DCP1B: variants seen among roughly 807,000 people sequenced by gnomAD.
DCP1B encodes mRNA-decapping enzyme 1B.
DCP1B carries 47 observed loss-of-function variants against 60.5 expected under a neutral mutation model. The ratio of observed to expected loss-of-function variants is 0.78; its 90% CI spans 0.61 to 0.99. The LOEUF is 0.99. DCP1B is among the 50% of genes least tolerant of loss of function. The probability of loss-of-function intolerance (pLI) is 0.00; values close to 1 mark genes in which losing one functional copy is unlikely to be tolerated. For synonymous variants in DCP1B, 267 were observed against 280.3 expected (o/e 0.95, Z 0.47); for missense variants, 725 against 756.8 (o/e 0.96, Z 0.49).
chr12:1,981,398 C>T (rs1052422706), intron 3 of DCP1B, among the ~76,000 whole-genome samples: 5 of 152,198 alleles, frequency 3.3e-5, no homozygotes, highest in African/African-American at 1.2e-4. Context: ...TAATTGTGCA[C>T]ATTTAATGCA....
chr12:1,979,864 G>A (rs1050220227), intron 3 of DCP1B, among the ~76,000 whole-genome samples: 3 of 152,050 alleles, frequency 2.0e-5, no homozygotes, highest in Non-Finnish European at 2.9e-5. Flanking sequence ...TGTCCAATAA[G>A]CATATGAAGA....
At chr12:1,992,085 TC>T (rs993005003) in intron 3 of DCP1B, 3 of 363,824 alleles carry the variant, frequency 8.2e-6, no homozygotes, top group Non-Finnish European at 1.7e-5. Context: ...GAGTTGGAAT[TC>T]CAAGTCTTTA....
At chr12:1,958,631 A>C (rs1414950887) in intron 5 of DCP1B, among the ~76,000 whole-genome samples, 2 of 148,658 alleles carry the variant, frequency 1.3e-5, no homozygotes, top group Non-Finnish European at 3.0e-5. Context: ...CTGGAAGGAG[A>C]CAGGGGAAAA....
chr12:1,952,605 T>G lies in DCP1B; in HGVS notation c.1335A>C (p.Gly445=). 6.2e-7 allele frequency: 1 copy of G among 1,614,164 alleles called. No homozygotes were observed. The highest frequency in any genetic ancestry group is 8.5e-7 in the Non-Finnish European group (1 of 1,180,022). Residue 445 remains glycine (G), a synonymous_variant, in exon 7 of 9, where the codon GGA becomes GGC. Coordinates refer to ENST00000280665, the MANE Select transcript of DCP1B (RefSeq NM_152640.5). ...PISGSQTGSS[G]VISPQELLKK... is the part of the protein sequence containing the mutation. ...TCAGTAACTCTTGAGGGGAGATCAC[T>G]CCAGAGCTGCCAGTCTGACTACCAG...
chr12:1,984,167 CT>C (rs1417909747), intron 3 of DCP1B, among the ~76,000 whole-genome samples: 1 of 151,940 alleles, frequency 6.6e-6, no homozygotes, highest in Non-Finnish European at 1.5e-5. Context: ...TTAGGCCATG[CT>C]TTTTTAATCC....
intron 4 of DCP1B, among the ~76,000 whole-genome samples, chr12:1,966,722 A>G (rs1469137953): frequency 6.6e-6 from 1 of 152,216 alleles, no homozygotes; most frequent in East Asian, 1.9e-4. Flanking sequence ...AGTAACATGA[A>G]TGTTCTAGGA....
chr12:1,971,224 A>G lies in DCP1B; in HGVS notation c.320-3314T>C. 2 of 1,251,754 alleles carry G rather than the reference A, an allele frequency of 1.6e-6. No homozygotes were observed. The highest frequency in any genetic ancestry group is 2.1e-6 in the Non-Finnish European group (2 of 955,530). 77.5% of individuals were successfully genotyped at this position (1,251,754 alleles called of 1,614,324 possible). On this transcript the variant is annotated intron_variant, in intron 3 of 8. Coordinates refer to ENST00000280665, the MANE Select transcript of DCP1B (RefSeq NM_152640.5). The surrounding 1 kb of genome is among the most constrained non-coding windows in gnomAD (Gnocchi z 4.2). ...GAGGTAAGAAACCCTAAAGTGAAATAAAGAGTAGGAAGAACATGTTGAAAT... is the reference window on the plus strand; with the variant it reads ...GAGGTAAGAAACCCTAAAGTGAAATGAAGAGTAGGAAGAACATGTTGAAAT...
At chr12:1,981,333 A>G (rs111491399) in intron 3 of DCP1B, among the ~76,000 whole-genome samples, 4,238 of 152,360 alleles carry the variant, frequency 0.028, 95 homozygotes, top group Middle Eastern at 0.054. Context: ...AGTTTCAGCC[A>G]TAGCTTTGAA....
At chr12:1,984,778 TAAAAAAA>T (rs764705302) in intron 3 of DCP1B, among the ~76,000 whole-genome samples, 2 of 81,346 alleles carry the variant, frequency 2.5e-5, no homozygotes, top group Non-Finnish European at 4.7e-5. Context: ...GGTCTTCTGG[TAAAAAAA>T]AAAAAAAAAA....
At chr12:1,982,033 T>G (rs1292275899) in intron 3 of DCP1B, among the ~76,000 whole-genome samples, 3 of 152,158 alleles carry the variant, frequency 2.0e-5, no homozygotes, top group African/African-American at 7.2e-5. Context: ...GTGAAAAGTT[T>G]TACTTGGAAG....
In DCP1B at chr12:1,997,928, C is replaced by T. The variant is rs759852006; in HGVS notation, c.191+7G>A. On this transcript the variant is annotated splice_region_variant and intron_variant, in intron 2 of 8. Coordinates refer to ENST00000280665, the MANE Select transcript of DCP1B (RefSeq NM_152640.5). ...TTAGTTTCTTTATAAAAGTGAAACA[C>T]TCTTACCTTGTATAAACAAATAAGG... The T allele has an allele frequency of 3.1e-6, 5 of 1,603,252 alleles. No homozygotes were observed. In the African/African-American group the frequency reaches 4.0e-5, roughly 13 times the overall value.
intron 2 of DCP1B, among the ~76,000 whole-genome samples, chr12:1,996,384 C>G (rs568354044): frequency 7.5e-4 from 114 of 152,044 alleles, no homozygotes; most frequent in Admixed American, 1.9e-3. Flanking sequence ...ATCTCCCTCA[C>G]TGTCCCTTTA....
At chr12:1,952,266 T>G in intron 7 of DCP1B, 150 bp downstream of exon 7, 15 of 963,532 alleles carry the variant, frequency 1.6e-5, no homozygotes, top group South Asian at 2.5e-5. Flanking sequence ...CTCCGCCTCT[T>G]GAGCTCAAGG....
At chr12:1,972,669 A>G (rs1331048274) in intron 3 of DCP1B, among the ~76,000 whole-genome samples, 1 of 152,182 alleles carries the variant, frequency 6.6e-6, no homozygotes, top group Admixed American at 6.5e-5. Context: ...CAGCCTTTCA[A>G]ATGAAATACA....
chr12:1,990,163 C>G (rs899312157), intron 3 of DCP1B, among the ~76,000 whole-genome samples: 6 of 152,120 alleles, frequency 3.9e-5, no homozygotes, highest in African/African-American at 1.4e-4. Context: ...ATCCCTTTAA[C>G]CTTAGTATTC....
At chr12:1,982,931 T>C (rs1047248584) in intron 3 of DCP1B, among the ~76,000 whole-genome samples, 1 of 152,142 alleles carries the variant, frequency 6.6e-6, no homozygotes, top group African/African-American at 2.4e-5. Context: ...TGTTAGATTT[T>C]TAATTACAAA....
chr12:1,959,858 G>A (rs779495271), intron 5 of DCP1B, among the ~76,000 whole-genome samples: 15 of 152,002 alleles, frequency 9.9e-5, no homozygotes, highest in Non-Finnish European at 1.9e-4. Context: ...TACTTGGGAG[G>A]CTGAGGTAGG....
downstream of DCP1B, among the ~76,000 whole-genome samples, chr12:1,945,577 G>A (rs1020957504): frequency 2.0e-5 from 3 of 152,300 alleles, no homozygotes; most frequent in Admixed American, 2.0e-4. Flanking sequence ...CAAGACACAT[G>A]CACACGTATG....
intron 8 of DCP1B, among the ~76,000 whole-genome samples, chr12:1,947,722 G>T (rs897671531): frequency 4.6e-5 from 7 of 152,188 alleles, no homozygotes; most frequent in African/African-American, 1.7e-4. Context: ...TTTTTATCCT[G>T]ATATTTACTT....
Sources: gnomAD v4.1 joint callset for allele counts (sites outside exome capture counted in the v4.1 genomes callset) on GRCh38, gnomAD v4.1.1 for gene constraint, Gnocchi (gnomAD v3.1) non-coding constraint, MANE v1.5 for transcripts, NCBI Gene and HGNC (gene_info 2026-07-23, HGNC 2026-07-21) for gene names.